ATAD3A: variants seen among roughly 807,000 people sequenced by gnomAD.
ATAD3A encodes the protein ATPase family AAA domain-containing protein 3A.
Under a neutral mutation model 73.8 loss-of-function variants are expected in ATAD3A, and 46 were observed. The ratio of observed to expected loss-of-function variants is 0.62; its 90% confidence interval spans 0.49 to 0.80. ATAD3A has a LOEUF of 0.80. ATAD3A is among the 30% of genes least tolerant of loss of function. ATAD3A has a pLI of 0.00. For missense variants in ATAD3A, 705 were observed against 838.0 expected (o/e 0.84, Z 1.96); for synonymous variants, 319 against 350.0 (o/e 0.91, Z 0.99).
chr1:1,522,907 C>A lies in ATAD3A; in HGVS notation c.906+8C>A. 6.2e-7 allele frequency: 1 copy of A among 1,605,892 alleles called. No individual in the cohort carries two copies. Among genetic ancestry groups the A allele is most frequent in the South Asian group, 1.1e-5 (1 of 89,968 alleles). On this transcript the variant is annotated splice_region_variant and intron_variant, in intron 8 of 15. Transcript: ENST00000378756. ...CTGCGGCACCCCATCCAGGTAGCAG[C>A]GCAGGCCTGGCCCTCCCTGAGTGCA...
rs1642161092 is a variant in ATAD3A at position 1,534,519 on chromosome 1, T to G, written c.*447T>G. The G allele has an allele frequency of 1.7e-6, 1 of 589,596 alleles. No homozygotes were observed. The highest frequency in any genetic ancestry group is 4.5e-5 in the Admixed American group (1 of 22,448). The allele number at this position is 589,596 out of a possible 1,614,324, so 36.5% of individuals were successfully genotyped here. On this transcript the variant is annotated 3_prime_UTR_variant, in exon 16 of 16. Coordinates refer to ENST00000378756, the MANE Select transcript of ATAD3A (RefSeq NM_001170535.3). ...CAGGTGGGGCAGCCTGAACCCTGCT[T>G]CCCCCTGTGGCCGGCATGCCCCGAT... is the stretch of plus-strand genomic sequence containing the variant.
At chr1:1,527,170 C>T (rs1466582690) in intron 13 of ATAD3A, 5 of 1,302,624 alleles carry the variant, frequency 3.8e-6, no homozygotes, top group Admixed American at 2.3e-5. Flanking sequence ...GCCCCAGTCA[C>T]GTGTCACACG....
intron 13 of ATAD3A, 96 bp from the exon 14 acceptor site, chr1:1,527,599 T>C (rs1641892634): frequency 2.1e-6 from 3 of 1,451,954 alleles, no homozygotes; most frequent in South Asian, 2.7e-5. Context: ...TTCCCGCCAC[T>C]TTAGGTTCTC....
At chr1:1,521,298 CAAAAAAAAAAAAAAAAAAAAAAA>C in intron 7 of ATAD3A, among the ~76,000 whole-genome samples, 1 of 25,350 alleles carries the variant, frequency 3.9e-5, no homozygotes, top group East Asian at 2.0e-3. Flanking sequence ...GGCTTCTTCT[CAAAAAAAAAAAAAAAAAAAAAAA>C]AAAAAAAACC....
Position 1,520,153 on chromosome 1 carries a change from G to A in ATAD3A, c.527G>A (p.Arg176Gln), listed in dbSNP as rs141500603. 0.023 allele frequency: 36,494 copies of A among 1,610,764 alleles called. 528 individuals carry two copies. The highest frequency in any genetic ancestry group is 0.026 in the Non-Finnish European group (31,071 of 1,179,322). ...CTCTCTGGGGCAGCCACCGTGGAGC[G>A]GGAGATGGAGCTGCGGCACAAGAAT... ...QEAMRRATVE[R>Q]EMELRHKNEM... The change falls in exon 6 of 16, where the codon CGG (arginine) becomes CAG (glutamine). Residue 176 changes from arginine (R) to glutamine (Q), a missense_variant. Physicochemically the swap from Arg to Gln is conservative, Grantham distance 43. Transcript: ENST00000378756. This position sits in a 1 kb window ranked among gnomAD's most constrained non-coding sequence, Gnocchi z 4.0.
chr1:1,529,030 C>T (rs982507638), intron 14 of ATAD3A, among the ~76,000 whole-genome samples, 193 bp from the exon 15 acceptor site: 1 of 152,248 alleles, frequency 6.6e-6, no homozygotes, highest in Non-Finnish European at 1.5e-5. Context: ...TCTCCAGGCC[C>T]TGCAGCCACT....
chr1:1,516,802 C>A (rs1641373520), intron 2 of ATAD3A, among the ~76,000 whole-genome samples: 1 of 152,078 alleles, frequency 6.6e-6, no homozygotes, highest in African/African-American at 2.4e-5. Context: ...ACCGCAACCT[C>A]TACCTCCCGG....
intron 1 of ATAD3A, among the ~76,000 whole-genome samples, chr1:1,515,198 C>G (rs964276172): frequency 6.6e-5 from 10 of 152,224 alleles, no homozygotes; most frequent in African/African-American, 2.4e-4. Context: ...CCACCTCAGC[C>G]TCAGAGTAGC....
intron 15 of ATAD3A, 101 bp from the exon 16 acceptor site, chr1:1,533,825 G>A: frequency 1.4e-6 from 2 of 1,441,986 alleles, no homozygotes; most frequent in African/African-American, 1.5e-5. Flanking sequence ...AGGCCATCCT[G>A]GAGCCCCTGG....
rs376491769 is a variant in ATAD3A at position 1,518,855 on chromosome 1, C to G, written c.445-66C>G. ...CCCTGCACACTCGGGCACAGTCATC[C>G]CCCGCACACATGGGCACAGTCACAG... is the stretch of plus-strand genomic sequence containing the variant. On this transcript the variant is annotated intron_variant, in intron 4 of 15. Transcript: ENST00000378756. The G allele has an allele frequency of 1.9e-6, 3 of 1,613,222 alleles. No homozygotes were observed. In the Admixed American group the frequency reaches 5.0e-5, roughly 27 times the overall value.
At chr1:1,516,996 G>A (rs1356855507) in intron 2 of ATAD3A, 1 of 1,287,150 alleles carries the variant, frequency 7.8e-7, no homozygotes, top group Non-Finnish European at 1.0e-6. Flanking sequence ...ATAAGCGAGA[G>A]CCGTCGCACC....
intron 7 of ATAD3A, among the ~76,000 whole-genome samples, chr1:1,521,172 G>A (rs577931005): frequency 2.7e-5 from 4 of 150,528 alleles, no homozygotes; most frequent in South Asian, 2.1e-4. Context: ...AGTGGCGGGC[G>A]CCTATAGTCC....
At chr1:1,531,991 G>A (rs1238274701) in intron 15 of ATAD3A, among the ~76,000 whole-genome samples, 3 of 152,156 alleles carry the variant, frequency 2.0e-5, no homozygotes, top group African/African-American at 4.8e-5. Flanking sequence ...GAATTTGGTC[G>A]AATGCTTTTC....
At chr1:1,527,264 C>G in intron 13 of ATAD3A, 1 of 1,266,602 alleles carries the variant, frequency 7.9e-7, no homozygotes. Context: ...TGGATGCTCC[C>G]TGGAGCCCTG....
In ATAD3A at chr1:1,534,054, C is replaced by T. The variant is rs138576169; in HGVS notation, c.1743C>T (p.Asp581=). The T allele has an allele frequency of 9.2e-5, 149 of 1,613,416 alleles. No homozygotes were observed. The highest frequency in any genetic ancestry group is 4.3e-4 in the Admixed American group (26 of 60,002). The change falls in exon 16 of 16, where the codon GAC becomes GAT. Residue 581 remains aspartate, a synonymous_variant. Transcript: ENST00000378756. ...AGGCGGAAGGGCCTGGGCGTGGGGA[C>T]GAGCCCTCCCCATCCTGAGTCCACA... is the stretch of plus-strand genomic sequence containing the variant. ...WLKAEGPGRG[D]EPSPS is the part of the protein sequence containing the mutation.
At chr1:1,531,948 G>A (rs1246391355) in intron 15 of ATAD3A, among the ~76,000 whole-genome samples, 1 of 152,012 alleles carries the variant, frequency 6.6e-6, no homozygotes, top group African/African-American at 2.4e-5. Flanking sequence ...ACCATGCACG[G>A]CATCTTGAAT....
chr1:1,529,187 T>G (rs1452303425), intron 14 of ATAD3A, 36 bp from the exon 15 acceptor site: 8 of 1,603,878 alleles, frequency 5.0e-6, no homozygotes, highest in Non-Finnish European at 5.9e-6. Context: ...TGGGAGCTGC[T>G]GCCTTGGCCG....
chr1:1,530,855 A>C (rs1365608591), intron 15 of ATAD3A, among the ~76,000 whole-genome samples: 1 of 146,730 alleles, frequency 6.8e-6, no homozygotes, highest in Non-Finnish European at 1.5e-5. Flanking sequence ...AAAAAAAAAA[A>C]CTAAGAATAA....
Position 1,529,962 on chromosome 1 carries a change from G to C in ATAD3A, c.1614+631G>C, listed in dbSNP as rs555859278. On this transcript the variant is annotated intron_variant, in intron 15 of 15. Transcript: ENST00000378756. ...GTGGGGCAGAAGGCACCCTGGCCAC[G>C]CACAGGCATCACCACCTCTGGGGTC... Among the ~76,000 whole-genome samples, 13 of 152,352 alleles carry C rather than the reference G, an allele frequency of 8.5e-5. No homozygotes were observed. In the South Asian group the frequency reaches 2.5e-3, roughly 29 times the overall value.
Sources: allele counts gnomAD v4.1 joint callset (sites outside exome capture counted in the v4.1 genomes callset), GRCh38; gene constraint gnomAD v4.1.1; non-coding constraint Gnocchi (gnomAD v3.1); transcripts MANE v1.5; gene names NCBI Gene and HGNC (gene_info 2026-07-23, HGNC 2026-07-21).